The following COL15A1 variants were observed in gnomAD, a reference collection of about 807,000 sequenced individuals.
The protein encoded by COL15A1 is collagen alpha-1(XV) chain.
COL15A1 carries 111 observed loss-of-function variants against 165.9 expected under a neutral mutation model. The observed-to-expected ratio is 0.67, with a 90% CI of 0.57 to 0.78. COL15A1 has a LOEUF of 0.78. Among genes scored for constraint, COL15A1 ranks in the 30% least tolerant of loss-of-function variants. The pLI is 0.00. For missense variants in COL15A1, 1,745 were observed against 1,789.7 expected, an observed-to-expected ratio of 0.98 and a Z score of 0.45; for synonymous variants, 659 against 674.8, an observed-to-expected ratio of 0.98 and a Z score of 0.36.
At chr9:99,068,042 G>C (rs1472821330) in intron 40 of COL15A1, among the ~76,000 whole-genome samples, 4 of 152,188 alleles carry the variant, frequency 2.6e-5, no homozygotes, top group Non-Finnish European at 5.9e-5. Context: ...AAATAAGACA[G>C]TAAAAGCAAA....
intron 16 of COL15A1, among the ~76,000 whole-genome samples, chr9:99,026,684 T>C (rs189647085): frequency 4.7e-4 from 72 of 152,360 alleles, no homozygotes; most frequent in Non-Finnish European, 8.5e-4. Flanking sequence ...CTGTTTGGGA[T>C]GTCCTTTTCC....
At chr9:99,062,693 C>G (rs898017632) in intron 38 of COL15A1, among the ~76,000 whole-genome samples, 1 of 152,184 alleles carries the variant, frequency 6.6e-6, no homozygotes, top group African/African-American at 2.4e-5. Context: ...AGCCCTAGAG[C>G]AATGCTTTGA....
intron 2 of COL15A1, among the ~76,000 whole-genome samples, chr9:98,961,846 C>T (rs541142041): frequency 2.6e-5 from 4 of 152,268 alleles, no homozygotes; most frequent in Non-Finnish European, 4.4e-5. Context: ...CTTTACATAG[C>T]GTAAGAGAAG....
rs555299483 is a variant in COL15A1, at chr9:98,959,000, G to A, written c.100+14750G>A. Among the ~76,000 whole-genome samples, 5 of 152,154 alleles carry A rather than the reference G, an allele frequency of 3.3e-5. No individual in the cohort carries two copies. In the South Asian group the frequency reaches 1.0e-3, roughly 32 times the overall value. ...ATGGTATGCAGCTCAGTTTATGTCT[G>A]TGCTCAGCTCCTGTCATCTCTGCAC... On this transcript the variant is annotated intron_variant, in intron 2 of 41. Transcript: ENST00000375001.
In COL15A1 at chr9:99,062,312, G is replaced by A. The variant is rs1409244250; in HGVS notation, c.3591+8G>A. 3.1e-6 allele frequency: 5 copies of A among 1,602,160 alleles called. No homozygotes were observed. The highest frequency in any genetic ancestry group is 4.3e-6 in the Non-Finnish European group (5 of 1,169,000). ...CCTGCGCTTTCCAGCAACGTGAGTA[G>A]TTACCCTGTTGGACTGCTCATGCAT... On this transcript the variant is annotated splice_region_variant and intron_variant, in intron 38 of 41. Transcript: ENST00000375001.
chr9:99,069,666 T>A lies in COL15A1; in HGVS notation c.3954-7T>A. ...TTGAAAAATAACATGACAAAATTAC[T>A]TTATAGGCCCCAGAAAGTCATTTGG... On this transcript the variant is annotated splice_region_variant and splice_polypyrimidine_tract_variant and intron_variant, in intron 41 of 41. Coordinates refer to ENST00000375001, the MANE Select transcript of COL15A1 (RefSeq NM_001855.5). 6.3e-7 allele frequency: 1 copy of A among 1,587,576 alleles called. No individual in the cohort carries two copies. The highest frequency in any genetic ancestry group is 8.6e-7 in the Non-Finnish European group (1 of 1,162,106).
intron 21 of COL15A1, among the ~76,000 whole-genome samples, chr9:99,038,152 G>A (rs867096248): frequency 6.6e-6 from 1 of 152,110 alleles, no homozygotes; most frequent in African/African-American, 2.4e-5. Flanking sequence ...TATGTGTAAG[G>A]GTGTGGGGAA....
chr9:99,051,024 A>G (rs759135828), intron 30 of COL15A1, among the ~76,000 whole-genome samples: 2 of 152,162 alleles, frequency 1.3e-5, no homozygotes, highest in Non-Finnish European at 2.9e-5. Flanking sequence ...GTTTATATCC[A>G]TGGCCTGAAG....
chr9:99,067,698 A>G (rs1036961018), intron 40 of COL15A1, among the ~76,000 whole-genome samples: 2 of 152,224 alleles, frequency 1.3e-5, no homozygotes, highest in Non-Finnish European at 2.9e-5. Flanking sequence ...CCAGTACTCC[A>G]ATTTAAAACC....
rs528966718 is a variant in COL15A1, at chr9:98,965,361, A to G, written c.101-20204A>G. 3.2e-4 allele frequency among the ~76,000 whole-genome samples: 49 copies of G among 152,346 alleles called. 1 individual carries two copies. The South Asian group carries it at 9.9e-3, about 31-fold the overall frequency. On this transcript the variant is annotated intron_variant, in intron 2 of 41. Transcript: ENST00000375001. ...AGAGCTGGGAAGTCCCAACCACTGC[A>G]GTTAAGGCCTGCAGTCTTAAGCTCC...
At chr9:99,013,473 G>T (rs1838877616) in intron 9 of COL15A1, among the ~76,000 whole-genome samples, 1 of 151,378 alleles carries the variant, frequency 6.6e-6, no homozygotes, top group Admixed American at 6.6e-5. Flanking sequence ...ATTTCAGGAG[G>T]AAAGGCAATG....
chr9:99,013,110 C>T (rs1241781214), intron 9 of COL15A1, among the ~76,000 whole-genome samples: 1 of 152,106 alleles, frequency 6.6e-6, no homozygotes, highest in Non-Finnish European at 1.5e-5. Context: ...CAGTGTGTCA[C>T]CACTGAGCCA....
At position 99,020,452 on chromosome 9, in the gene COL15A1, G is replaced by A. The variant is rs1839007710; in HGVS notation, c.1701+10G>A. 6 of 1,600,280 alleles carry A rather than the reference G, an allele frequency of 3.7e-6. No individual in the cohort carries two copies. The Admixed American group carries it at 1.0e-4, about 27-fold the overall frequency. On this transcript the variant is annotated intron_variant, in intron 12 of 41. Coordinates refer to ENST00000375001, the MANE Select transcript of COL15A1 (RefSeq NM_001855.5). The stretch of plus-strand genomic sequence containing the variant: ...GCCCAAAGGAGAAAAGGTTTGTGCT[G>A]TGACCATCCTGGGGAACACTTTGGC...
intron 2 of COL15A1, among the ~76,000 whole-genome samples, chr9:98,980,171 A>C (rs1838213169): frequency 6.6e-6 from 1 of 152,146 alleles, no homozygotes; most frequent in South Asian, 2.1e-4. Context: ...AAAAAAAAAA[A>C]AAGAGGGGAC....
chr9:99,015,054 T>G (rs1299178565), intron 9 of COL15A1, among the ~76,000 whole-genome samples: 1 of 152,230 alleles, frequency 6.6e-6, no homozygotes, highest in Non-Finnish European at 1.5e-5. Context: ...AGTAGCTATC[T>G]TTTTAAGGGC....
chr9:99,035,140 G>A lies in COL15A1; in HGVS notation c.2206G>A (p.Gly736Arg). Residue 736 changes from glycine (G) to arginine (R), a missense_variant, in exon 18 of 42, where the codon GGA becomes AGA. Transcript: ENST00000375001. ...PGPPGPGCTM[G>R]LGFEDTEGSG... The stretch of plus-strand genomic sequence containing the variant: ...GCCCCCAGGCCCTGGATGCACAATG[G>A]GACTTGGATTCGAGGTACTTTTCCC... 6.3e-7 allele frequency: 1 copy of A among 1,596,316 alleles called. No homozygotes were observed. Among genetic ancestry groups the A allele is most frequent in the East Asian group, 2.2e-5 (1 of 44,764 alleles).
intron 2 of COL15A1, among the ~76,000 whole-genome samples, chr9:98,973,761 C>T (rs1838099443): frequency 6.6e-6 from 1 of 152,138 alleles, no homozygotes; most frequent in Non-Finnish European, 1.5e-5. Context: ...TTGTCCCGGC[C>T]CCTGTTGGAG....
intron 2 of COL15A1, among the ~76,000 whole-genome samples, chr9:98,965,093 C>T (rs1052223512): frequency 7.4e-4 from 113 of 152,240 alleles, no homozygotes; most frequent in African/African-American, 2.6e-3. Context: ...CTATCGCCTT[C>T]GCACCACATT....
At chr9:99,032,861 C>T (rs1839230480) in intron 16 of COL15A1, among the ~76,000 whole-genome samples, 1 of 152,118 alleles carries the variant, frequency 6.6e-6, no homozygotes, top group Non-Finnish European at 1.5e-5. Flanking sequence ...TTATAATTTC[C>T]AAGATCTCTA....
Sources: allele counts gnomAD v4.1 joint callset (sites outside exome capture counted in the v4.1 genomes callset), GRCh38; gene constraint gnomAD v4.1.1; transcripts MANE v1.5; gene names NCBI Gene and HGNC (gene_info 2026-07-23, HGNC 2026-07-21).